Variants in PXDN observed in about 807,000 individuals in gnomAD.
PXDN encodes the protein peroxidasin homolog.
A neutral mutation model predicts 140.3 loss-of-function variants in PXDN; 77 were observed. The ratio of observed to expected loss-of-function variants is 0.55; its 90% confidence interval spans 0.46 to 0.66. The LOEUF (loss-of-function observed/expected upper bound fraction) is 0.66. Ranked by LOEUF, PXDN falls within the 30% of genes least tolerant of loss-of-function variation. The pLI, the probability that PXDN is intolerant of heterozygous loss-of-function variation, is 0.00. For synonymous variants in PXDN, 911 were observed against 857.4 expected (o/e 1.06, Z -1.09); for missense variants, 1,838 against 2,039.5 (o/e 0.90, Z 1.90).
intron 6 of PXDN, among the ~76,000 whole-genome samples, chr2:1,681,129 C>A (rs920943823): frequency 1.3e-5 from 2 of 152,076 alleles, no homozygotes; most frequent in Non-Finnish European, 2.9e-5. Flanking sequence ...GGTCCCCAGG[C>A]CCCTCCAGCC....
chr2:1,649,368 C>G lies in PXDN; in HGVS notation c.2412G>C (p.Gly804=). The part of the protein sequence containing the change: ...MPRLVSTTLI[G]TETVTPDEQF... ...GCTCGTCGGGTGTGACGGTCTCCGT[C>G]CCGATCAGGGTGGTGGACACCAGGC... The change falls in exon 17 of 23, where the codon GGG becomes GGC. Residue 804 remains glycine, a synonymous_variant. Coordinates refer to ENST00000252804, the MANE Select transcript of PXDN (RefSeq NM_012293.3). The surrounding 1 kb of genome is among the most constrained non-coding windows in gnomAD (Gnocchi z 7.1). 6.2e-7 allele frequency: 1 copy of G among 1,613,988 alleles called. No homozygotes were observed. The highest frequency in any genetic ancestry group is 8.5e-7 in the Non-Finnish European group (1 of 1,179,898).
At chr2:1,657,849 CCCTCTCCTGACAAGGACGTGCCCCCT>C (rs1273200953) in intron 14 of PXDN, among the ~76,000 whole-genome samples, 1 of 147,248 alleles carries the variant, frequency 6.8e-6, no homozygotes, top group African/African-American at 2.7e-5. Flanking sequence ...TTGGGACCCG[CCCTCTCCTGACAAGGACGTGCCCCCT>C]CCTGACCGAA....
At chr2:1,643,041 A>C (rs1416237807) in intron 19 of PXDN, among the ~76,000 whole-genome samples, 2 of 152,216 alleles carry the variant, frequency 1.3e-5, no homozygotes, top group East Asian at 3.8e-4. Flanking sequence ...TGGCTACACA[A>C]GTACTGGAAG....
At chr2:1,657,924 A>T (rs1025354749) in intron 14 of PXDN, among the ~76,000 whole-genome samples, 1 of 140,604 alleles carries the variant, frequency 7.1e-6, no homozygotes, top group African/African-American at 2.7e-5. Flanking sequence ...CCTTCCTGAC[A>T]GGAACCTGCC....
chr2:1,680,695 AG>A (rs1192779535), intron 6 of PXDN, among the ~76,000 whole-genome samples: 2 of 152,206 alleles, frequency 1.3e-5, no homozygotes, highest in Non-Finnish European at 2.9e-5. Flanking sequence ...GGCACAGGTC[AG>A]GGAAGTTTGT....
At position 1,692,014 on chromosome 2, in the gene PXDN, C is replaced by T. The variant is rs770566671; in HGVS notation, c.273-15G>A. ...TATTGAGAAGCCTATGAAAGAGAGT[C>T]GATAAGAATTTTAAAAAACAACAGA... is the stretch of plus-strand genomic sequence containing the variant. On this transcript the variant is annotated splice_polypyrimidine_tract_variant and intron_variant, in intron 2 of 22. Transcript: ENST00000252804. 1.3e-6 allele frequency: 2 copies of T among 1,485,894 alleles called. No individual in the cohort carries two copies. The highest frequency in any genetic ancestry group is 1.8e-6 in the Non-Finnish European group (2 of 1,102,198). 92.0% of individuals were successfully genotyped at this position (1,485,894 alleles called of 1,614,324 possible).
rs569407802 is a variant in PXDN, at chr2:1,687,205, G to C, written c.416+427C>G. Among the ~76,000 whole-genome samples, 3 of 152,376 alleles carry C rather than the reference G, an allele frequency of 2.0e-5. No individual in the cohort carries two copies. The highest frequency in any genetic ancestry group is 6.5e-5 in the Admixed American group (1 of 15,308). On this transcript the variant is annotated intron_variant, in intron 4 of 22. Transcript: ENST00000252804. The surrounding 1 kb of genome is among the most constrained non-coding windows in gnomAD (Gnocchi z 4.0). The stretch of plus-strand genomic sequence containing the variant: ...AGAAATTCAGCTTCATGTGTTCACA[G>C]TCATAAGGAGGAACAGTGAACGAGG...
Position 1,649,611 on chromosome 2 carries a change from A to G in PXDN, c.2169T>C (p.Cys723=). ...YLNLIANLSG[C]TAHRRVNNCS... is the part of the protein sequence containing the mutation. ...AGTTGTTCACGCGCCGGTGGGCGGT[A>G]CAGCCCGACAGGTTTGCGATGAGGT... The change falls in exon 17 of 23, where the codon TGT becomes TGC. Residue 723 remains cysteine, a synonymous_variant. Coordinates refer to ENST00000252804, the MANE Select transcript of PXDN (RefSeq NM_012293.3). This position sits in a 1 kb window ranked among gnomAD's most constrained non-coding sequence, Gnocchi z 7.1. 1 of 1,613,972 alleles carries G rather than the reference A, an allele frequency of 6.2e-7. No homozygotes were observed. The highest frequency in any genetic ancestry group is 8.5e-7 in the Non-Finnish European group (1 of 1,179,886).
chr2:1,680,378 T>C lies in PXDN; in HGVS notation c.561-16A>G, dbSNP rs1427832961. On this transcript the variant is annotated splice_polypyrimidine_tract_variant and intron_variant, in intron 6 of 22. Transcript: ENST00000252804. Reference sequence around the variant, plus strand: ...GTCCAGTCGCCTGTGGGAAGGAAGATGCAGCCGGTGAGACATGGGGTGGCT... The same window carrying C: ...GTCCAGTCGCCTGTGGGAAGGAAGACGCAGCCGGTGAGACATGGGGTGGCT... 1 of 1,613,640 alleles carries C rather than the reference T, an allele frequency of 6.2e-7. No homozygotes were observed. The highest frequency in any genetic ancestry group is 8.5e-7 in the Non-Finnish European group (1 of 1,179,762).
At chr2:1,664,652 C>T (rs1021099192) in intron 11 of PXDN, 4 of 343,006 alleles carry the variant, frequency 1.2e-5, no homozygotes, top group Non-Finnish European at 2.2e-5. Flanking sequence ...AAAGCACATC[C>T]TAGAGACTAT....
At chr2:1,654,597 A>C in intron 14 of PXDN, 89 bp from the exon 15 acceptor site, 1 of 740,338 alleles carries the variant, frequency 1.4e-6, no homozygotes, top group South Asian at 2.3e-5. Context: ...ATTAGCCACA[A>C]GGCATACTTT....
intron 1 of PXDN, among the ~76,000 whole-genome samples, chr2:1,719,746 C>T (rs567989649): frequency 4.6e-5 from 7 of 152,206 alleles, no homozygotes; most frequent in Admixed American, 4.6e-4. Context: ...TCCAGGAGGA[C>T]CAGGTCATGT....
chr2:1,648,738 G>C lies in PXDN; in HGVS notation c.3042C>G (p.Ile1014Met). 1 of 1,604,862 alleles carries C rather than the reference G, an allele frequency of 6.2e-7. No individual in the cohort carries two copies. The highest frequency in any genetic ancestry group is 1.1e-5 in the South Asian group (1 of 89,138). Reference protein sequence around the residue: ...KLNPHWDGDTIYYETRKIVGA... With the variant: ...KLNPHWDGDTMYYETRKIVGA... Reference sequence around the variant, plus strand: ...CCACGATCTTCCTGGTCTCATAGTAGATGGTGTCGCCGTCCCAGTGCGGGT... The same window carrying C: ...CCACGATCTTCCTGGTCTCATAGTACATGGTGTCGCCGTCCCAGTGCGGGT... The change falls in exon 17 of 23, where the codon ATC becomes ATG. Residue 1014 changes from isoleucine to methionine, a missense_variant. Physicochemically the swap from Ile to Met is conservative, Grantham distance 10. Transcript: ENST00000252804. The surrounding 1 kb of genome is among the most constrained non-coding windows in gnomAD (Gnocchi z 8.9).
chr2:1,675,357 T>C (rs570430736), intron 8 of PXDN, among the ~76,000 whole-genome samples: 1 of 152,274 alleles, frequency 6.6e-6, no homozygotes, highest in Non-Finnish European at 1.5e-5. Context: ...CGGGCATCAA[T>C]TTTTTCGTAT....
rs1274184980 is a variant in PXDN, at chr2:1,692,567, T to C, written c.272+496A>G. 4 of 471,970 alleles carry C rather than the reference T, an allele frequency of 8.5e-6. No homozygotes were observed. In the East Asian group the frequency reaches 2.8e-4, roughly 33 times the overall value. The allele number at this position is 471,970 out of a possible 1,614,324, so 29.2% of individuals were successfully genotyped here. A position where few individuals can be genotyped will look rare whatever the true frequency, so the allele number is the denominator to read the frequency against. On this transcript the variant is annotated intron_variant, in intron 2 of 22. Coordinates refer to ENST00000252804, the MANE Select transcript of PXDN (RefSeq NM_012293.3). ...GTCCTGGTGCAGAAGGGAACCAGCTTCCACTGCACTGGGCGTGTCCTGCAG... is the reference window on the plus strand; with the variant it reads ...GTCCTGGTGCAGAAGGGAACCAGCTCCCACTGCACTGGGCGTGTCCTGCAG...
chr2:1,660,943 T>C lies in PXDN; in HGVS notation c.1775A>G (p.Tyr592Cys). The change falls in exon 14 of 23, where the codon TAT (tyrosine) becomes TGT (cysteine). Residue 592 changes from tyrosine (Y) to cysteine (C), a missense_variant. This residue lies in a region of PXDN where 537 missense variants were observed against 583.9 expected (regional missense o/e 0.92). Transcript: ENST00000252804. This position sits in a 1 kb window ranked among gnomAD's most constrained non-coding sequence, Gnocchi z 4.6. The part of the protein sequence containing the change: ...NDVGPADAGR[Y>C]ECVARNTIGS... ...AATGGTGTTCCGGGCCACACACTCA[T>C]AGCGACCTGCGTCTGCAGGGCCAAC... is the stretch of plus-strand genomic sequence containing the variant. 6.2e-7 allele frequency: 1 copy of C among 1,613,998 alleles called. No homozygotes were observed. Among genetic ancestry groups the C allele is most frequent in the Non-Finnish European group, 8.5e-7 (1 of 1,179,892 alleles).
At chr2:1,671,429 C>G (rs1683573905) in intron 9 of PXDN, among the ~76,000 whole-genome samples, 1 of 151,774 alleles carries the variant, frequency 6.6e-6, no homozygotes, top group African/African-American at 2.4e-5. Context: ...ATTTCTAGCT[C>G]TATGTTATTT....
intron 1 of PXDN, among the ~76,000 whole-genome samples, chr2:1,742,042 C>G (rs1463725447): frequency 6.6e-6 from 1 of 152,186 alleles, no homozygotes; most frequent in Non-Finnish European, 1.5e-5. Context: ...TAGGTCCGCA[C>G]AGCTACACCC....
At chr2:1,652,569 A>C (rs992684713) in intron 16 of PXDN, among the ~76,000 whole-genome samples, 7 of 151,760 alleles carry the variant, frequency 4.6e-5, no homozygotes, top group African/African-American at 1.7e-4. Flanking sequence ...GAGGTCTCCA[A>C]CTCCAACATT....
Sources: allele counts gnomAD v4.1 joint callset (sites outside exome capture counted in the v4.1 genomes callset), GRCh38; gene constraint gnomAD v4.1.1; regional missense constraint gnomAD v4.1.1; non-coding constraint Gnocchi (gnomAD v3.1); transcripts MANE v1.5; gene names NCBI Gene and HGNC (gene_info 2026-07-23, HGNC 2026-07-21).